The following TNRC6B variants were observed in gnomAD, a reference collection of about 807,000 sequenced individuals.
TNRC6B encodes trinucleotide repeat containing adaptor 6B, also known as trinucleotide repeat-containing gene 6B protein.
In TNRC6B, 52 loss-of-function variants were observed where a neutral mutation model predicts 203.6. The observed-to-expected ratio is 0.26, with a 90% CI of 0.20 to 0.32. TNRC6B has a LOEUF of 0.32. TNRC6B is among the 10% of genes least tolerant of loss of function. The pLI is 1.00. For missense variants in TNRC6B, 1,923 were observed against 2,286.2 expected (o/e 0.84, Z 3.24); for synonymous variants, 838 against 845.7 (o/e 0.99, Z 0.16).
At chr22:40,170,976 T>C (rs2068988857) in intron 4 of TNRC6B, among the ~76,000 whole-genome samples, 1 of 147,134 alleles carries the variant, frequency 6.8e-6, no homozygotes, top group Non-Finnish European at 1.5e-5. Context: ...TATACCTGTA[T>C]ATGTACATAT....
chr22:40,230,421 G>T (rs1332555044), intron 1 of TNRC6B, among the ~76,000 whole-genome samples: 1 of 151,344 alleles, frequency 6.6e-6, no homozygotes, highest in Non-Finnish European at 1.5e-5. Flanking sequence ...CTCCCTAGTA[G>T]CTGGGACTAC....
chr22:40,306,191 G>GT (rs1440656640), intron 15 of TNRC6B, among the ~76,000 whole-genome samples: 1 of 152,140 alleles, frequency 6.6e-6, no homozygotes, highest in Non-Finnish European at 1.5e-5. Flanking sequence ...TGCTCGGGAG[G>GT]CTAAGGCAGG....
Position 40,312,972 on chromosome 22 carries a change from C to G in TNRC6B, c.4653C>G (p.Ser1551=), listed in dbSNP as rs777722793. The change falls in exon 19 of 23, where the codon TCC becomes TCG. Residue 1551 remains serine, a synonymous_variant. Transcript: ENST00000454349. ...GGCCCTACAGTGCCTCTGACAACTCCTTTACCAACGTTCATAGCACTTCAG... is the reference window on the plus strand; with the variant it reads ...GGCCCTACAGTGCCTCTGACAACTCGTTTACCAACGTTCATAGCACTTCAG... The part of the protein sequence containing the change: ...GAWPYSASDN[S]FTNVHSTSAK... 6 of 1,613,690 alleles carry G rather than the reference C, an allele frequency of 3.7e-6. No individual in the cohort carries two copies. In the African/African-American group the frequency reaches 8.0e-5, roughly 22 times the overall value.
chr22:40,121,305 C>T (rs1162797677), intron 2 of TNRC6B, among the ~76,000 whole-genome samples: 1 of 149,868 alleles, frequency 6.7e-6, no homozygotes, highest in African/African-American at 2.4e-5. Flanking sequence ...TTTTGAATCA[C>T]CTATATAAAC....
At chr22:40,230,168 CTTTAA>C (rs1056900226) in intron 1 of TNRC6B, among the ~76,000 whole-genome samples, 4 of 150,698 alleles carry the variant, frequency 2.7e-5, no homozygotes, top group Admixed American at 1.3e-4. Flanking sequence ...CTCATTGTGG[CTTTAA>C]TTTGTTTTTT....
chr22:40,047,590 C>T (rs1055751908), intron 1 of TNRC6B, among the ~76,000 whole-genome samples: 4 of 151,460 alleles, frequency 2.6e-5, no homozygotes, highest in African/African-American at 9.7e-5. Context: ...GCAACAAGAG[C>T]GAAATTCAGT....
intron 1 of TNRC6B, among the ~76,000 whole-genome samples, chr22:40,236,314 T>C (rs1473156985): frequency 1.2e-4 from 19 of 152,176 alleles, no homozygotes; most frequent in Admixed American, 1.2e-3. Context: ...CCACCTGTCA[T>C]CTCAGAAATA....
intron 4 of TNRC6B, among the ~76,000 whole-genome samples, chr22:40,166,859 C>T (rs1325715101): frequency 1.3e-5 from 2 of 149,296 alleles, no homozygotes; most frequent in Non-Finnish European, 3.0e-5. Context: ...CGTGTCACCA[C>T]ACTCCAGCCT....
intron 1 of TNRC6B, among the ~76,000 whole-genome samples, chr22:40,099,225 GC>G (rs1422648829): frequency 6.7e-6 from 1 of 149,836 alleles, no homozygotes; most frequent in Non-Finnish European, 1.5e-5. Context: ...CTGCACTCTA[GC>G]CTGGGCGATA....
intron 1 of TNRC6B, among the ~76,000 whole-genome samples, chr22:40,079,581 A>G (rs1449772204): frequency 6.6e-6 from 1 of 151,404 alleles, no homozygotes; most frequent in Non-Finnish European, 1.5e-5. Flanking sequence ...GTATATATAT[A>G]TATTTTTTAT....
In TNRC6B at chr22:40,329,461, G is replaced by A. The variant is rs2095866572; in HGVS notation, c.*6220G>A. ...TTTTTTTCTTAAGTTTGACAAAGGG[G>A]GTGGTAATATCACATTCTTTAGATT... On this transcript the variant is annotated 3_prime_UTR_variant, in exon 23 of 23. Coordinates refer to ENST00000454349, the MANE Select transcript of TNRC6B (RefSeq NM_001162501.2). 6.6e-6 allele frequency: 1 copy of A among 152,032 alleles called. No individual in the cohort carries two copies. Among genetic ancestry groups the A allele is most frequent in the African/African-American group, 2.4e-5 (1 of 41,394 alleles). The allele number at this position is 152,032 out of a possible 1,614,324, so 9.4% of individuals were successfully genotyped here. A position where few individuals can be genotyped will look rare whatever the true frequency, so the allele number is the denominator to read the frequency against.
chr22:40,248,614 A>G (rs2070141685), intron 2 of TNRC6B, among the ~76,000 whole-genome samples: 1 of 152,240 alleles, frequency 6.6e-6, no homozygotes, highest in Non-Finnish European at 1.5e-5. Flanking sequence ...GTGTGAATGT[A>G]CTTGAGAGTG....
intron 12 of TNRC6B, among the ~76,000 whole-genome samples, chr22:40,294,270 A>G (rs996928867): frequency 3.3e-5 from 5 of 152,128 alleles, no homozygotes; most frequent in South Asian, 2.1e-4. Context: ...CAATCAGTCA[A>G]TCAGTCAATC....
At chr22:40,249,248 C>A (rs2070151105) in intron 2 of TNRC6B, among the ~76,000 whole-genome samples, 1 of 152,150 alleles carries the variant, frequency 6.6e-6, no homozygotes, top group South Asian at 2.1e-4. Flanking sequence ...GTGCCTGGTG[C>A]AGGATAATCA....
At chr22:40,239,317 C>T (rs1421122620) in intron 1 of TNRC6B, among the ~76,000 whole-genome samples, 5 of 152,214 alleles carry the variant, frequency 3.3e-5, no homozygotes. Context: ...GCCTTCCGGT[C>T]TGTGCCTGTT....
chr22:40,106,607 A>T, intron 1 of TNRC6B: 1 of 726,614 alleles, frequency 1.4e-6, no homozygotes, highest in Non-Finnish European at 2.5e-6. Context: ...CTTGTAGATA[A>T]GTTCATTTAG....
At chr22:40,283,995 C>T (rs1490261149) in intron 11 of TNRC6B, among the ~76,000 whole-genome samples, 2 of 152,158 alleles carry the variant, frequency 1.3e-5, no homozygotes, top group African/African-American at 4.8e-5. Context: ...TGAGAAAGAT[C>T]GTAGCAGAAT....
At chr22:40,230,454 G>T (rs958500547) in intron 1 of TNRC6B, among the ~76,000 whole-genome samples, 8 of 151,390 alleles carry the variant, frequency 5.3e-5, no homozygotes, top group African/African-American at 1.7e-4. Context: ...CTACCATTCG[G>T]CTAATTTTTG....
At chr22:40,186,523 A>C (rs1263578683) in intron 1 of TNRC6B, among the ~76,000 whole-genome samples, 1 of 151,958 alleles carries the variant, frequency 6.6e-6, no homozygotes, top group Admixed American at 6.6e-5. Flanking sequence ...GCGGATCACA[A>C]GGTCAGGAGA....
Sources: gnomAD v4.1 joint callset for allele counts (sites outside exome capture counted in the v4.1 genomes callset) on GRCh38, gnomAD v4.1.1 for gene constraint, MANE v1.5 for transcripts, NCBI Gene and HGNC (gene_info 2026-07-23, HGNC 2026-07-21) for gene names.